The following ASXL3 variants were observed in gnomAD, a reference collection of about 807,000 sequenced individuals.
ASXL3 encodes the protein putative Polycomb group protein ASXL3.
Under a neutral mutation model 170.6 loss-of-function variants are expected in ASXL3, and 34 were observed. The observed-to-expected ratio is 0.20, with a 90% CI of 0.15 to 0.27. ASXL3 has a LOEUF of 0.27. ASXL3 is among the 10% of genes least tolerant of loss of function. The pLI is 1.00. For synonymous variants in ASXL3, 1,002 were observed against 989.1 expected (o/e 1.01, Z -0.24); for missense variants, 2,592 against 2,695.3 (o/e 0.96, Z 0.85).
chr18:33,612,400 T>G (rs1220992512), intron 2 of ASXL3, among the ~76,000 whole-genome samples: 1 of 152,086 alleles, frequency 6.6e-6, no homozygotes, highest in Non-Finnish European at 1.5e-5. Flanking sequence ...AAACAGTATC[T>G]ATTGTGTTTA....
chr18:33,655,572 T>C (rs62092368), intron 4 of ASXL3, among the ~76,000 whole-genome samples: 14,995 of 152,072 alleles, frequency 0.099, 923 homozygotes, highest in African/African-American at 0.16. Context: ...CAAATACCTA[T>C]ACCTATCTTG....
intron 8 of ASXL3, among the ~76,000 whole-genome samples, chr18:33,686,265 A>C (rs1221871878): frequency 6.6e-6 from 1 of 152,212 alleles, no homozygotes; most frequent in South Asian, 2.1e-4. Context: ...ACAAGAATGA[A>C]TCTTGTGGAA....
At chr18:33,724,768 C>G (rs1292179910) in intron 8 of ASXL3, among the ~76,000 whole-genome samples, 1 of 152,016 alleles carries the variant, frequency 6.6e-6, no homozygotes, top group East Asian at 1.9e-4. Flanking sequence ...GATGGATTTA[C>G]CTATTAAAAT....
Position 33,578,340 on chromosome 18 carries a change from TGGCCCG to T in ASXL3, c.-286_-281del, listed in dbSNP as rs1397595372. 2 of 22,502 alleles carry T rather than the reference TGGCCCG, an allele frequency of 8.9e-5. No homozygotes were observed. The highest frequency in any genetic ancestry group is 1.7e-4 in the African/African-American group (1 of 5,840). The allele number at this position is 22,502 out of a possible 1,614,324, so 1.4% of individuals were successfully genotyped here. ...GCCCGGCCGGCGCCGCCCCCGCCCC[TGGCCCG>T]GGCCCCGCTGCTGCCGCCGCCCCCG... On this transcript the variant is annotated 5_prime_UTR_variant, in exon 1 of 12. Coordinates refer to ENST00000269197, the MANE Select transcript of ASXL3 (RefSeq NM_030632.3).
chr18:33,683,334 G>C, intron 7 of ASXL3, 71 bp from the exon 8 acceptor site: 1 of 1,327,846 alleles, frequency 7.5e-7, no homozygotes, highest in Middle Eastern at 1.9e-4. Flanking sequence ...ATGTGGCTGT[G>C]TTTGTGTGTA....
chr18:33,711,742 T>TG (rs1415961104), intron 8 of ASXL3, among the ~76,000 whole-genome samples: 1 of 152,130 alleles, frequency 6.6e-6, no homozygotes, highest in African/African-American at 2.4e-5. Flanking sequence ...GGAGAGGCTA[T>TG]GGGGATCCCT....
At chr18:33,713,190 G>T (rs1235186280) in intron 8 of ASXL3, among the ~76,000 whole-genome samples, 8 of 147,824 alleles carry the variant, frequency 5.4e-5, no homozygotes, top group Admixed American at 4.7e-4. Flanking sequence ...GAATGAGGGG[G>T]AGAATACAGA....
At chr18:33,681,763 C>A (rs533726165) in intron 7 of ASXL3, among the ~76,000 whole-genome samples, 2 of 151,762 alleles carry the variant, frequency 1.3e-5, no homozygotes, top group South Asian at 4.2e-4. Flanking sequence ...TCTCTGCAAT[C>A]TGTGTTTTTT....
chr18:33,586,100 C>A (rs2065032127), intron 1 of ASXL3, among the ~76,000 whole-genome samples: 1 of 152,010 alleles, frequency 6.6e-6, no homozygotes, highest in African/African-American at 2.4e-5. Context: ...TGTATTAGAA[C>A]CTATTTTAAT....
chr18:33,726,836 G>T (rs2067360596), intron 8 of ASXL3, among the ~76,000 whole-genome samples: 1 of 152,086 alleles, frequency 6.6e-6, no homozygotes, highest in South Asian at 2.1e-4. Flanking sequence ...TCTGTATAGT[G>T]GGTGACAAGG....
At chr18:33,617,702 C>G (rs1455629824) in intron 2 of ASXL3, among the ~76,000 whole-genome samples, 1 of 151,996 alleles carries the variant, frequency 6.6e-6, no homozygotes, top group Non-Finnish European at 1.5e-5. Flanking sequence ...TCCATTCTTC[C>G]AAATAATTGA....
intron 2 of ASXL3, among the ~76,000 whole-genome samples, chr18:33,634,014 A>G (rs2065727618): frequency 6.6e-6 from 1 of 152,190 alleles, no homozygotes; most frequent in South Asian, 2.1e-4. Context: ...GAATGTAAAT[A>G]CAAAAAGATC....
At position 33,739,356 on chromosome 18, in the gene ASXL3, C is replaced by G. The variant is rs1416709197; in HGVS notation, c.1952C>G (p.Ser651Cys). The G allele has an allele frequency of 1.2e-6, 2 of 1,613,608 alleles. No homozygotes were observed. The highest frequency in any genetic ancestry group is 2.2e-5 in the South Asian group (2 of 91,040). The part of the protein sequence containing the change: ...TPASLETTFC[S>C]EVSSTENTDK... ...GCCTCCCTTGAGACAACATTTTGTT[C>G]TGAGGTATCTAGCACTGAAAATACA... The change falls in exon 11 of 12, where the codon TCT (serine) becomes TGT (cysteine). Residue 651 changes from serine to cysteine, a missense_variant. Transcript: ENST00000269197.
intron 2 of ASXL3, among the ~76,000 whole-genome samples, chr18:33,619,403 ACT>A (rs1295967187): frequency 6.6e-6 from 1 of 151,176 alleles, no homozygotes; most frequent in Admixed American, 6.6e-5. Flanking sequence ...GTATGTTGAA[ACT>A]CTTTCAGTTT....
chr18:33,673,533 T>G (rs2066379627), intron 7 of ASXL3, among the ~76,000 whole-genome samples: 1 of 151,984 alleles, frequency 6.6e-6, no homozygotes, highest in African/African-American at 2.4e-5. Flanking sequence ...GCCCAGCTAA[T>G]TTTTGTATTT....
chr18:33,693,300 A>T lies in ASXL3; in HGVS notation c.879+9732A>T, dbSNP rs144464817. The stretch of plus-strand genomic sequence containing the variant: ...TAAACATACTTTTGGCTTAAAATTG[A>T]GGCAGTTAATTGGAGAAATTTAAGA... On this transcript the variant is annotated intron_variant, in intron 8 of 11. Coordinates refer to ENST00000269197, the MANE Select transcript of ASXL3 (RefSeq NM_030632.3). Among the ~76,000 whole-genome samples, 201 of 152,294 alleles carry T rather than the reference A, an allele frequency of 1.3e-3. 2 individuals carry two copies. The East Asian group carries it at 0.028, about 21-fold the overall frequency.
intron 1 of ASXL3, 67 bp downstream of exon 1, chr18:33,578,752 CGCG>C: frequency 9.7e-7 from 1 of 1,033,664 alleles, no homozygotes; most frequent in Non-Finnish European, 1.2e-6. Flanking sequence ...CGCGCCGGTC[CGCG>C]GCGGCGGAGA....
rs565082230 is a variant in ASXL3 at position 33,677,635 on chromosome 18, G to A, written c.715+5769G>A. On this transcript the variant is annotated intron_variant, in intron 7 of 11. Transcript: ENST00000269197. ...CAGACCTTCCTACCTGCATGTTTTCGTTACAATACTTTTTGAATATCGAAG... is the reference window on the plus strand; with the variant it reads ...CAGACCTTCCTACCTGCATGTTTTCATTACAATACTTTTTGAATATCGAAG... Among the ~76,000 whole-genome samples the A allele has an allele frequency of 7.3e-4, 111 of 152,158 alleles. No individual in the cohort carries two copies. The South Asian group carries it at 0.019, about 26-fold the overall frequency.
At position 33,661,651 on chromosome 18, in the gene ASXL3, A is replaced by G; in HGVS notation, c.391A>G (p.Thr131Ala). The G allele has an allele frequency of 6.2e-7, 1 of 1,612,174 alleles. No homozygotes were observed. Among genetic ancestry groups the G allele is most frequent in the Non-Finnish European group, 8.5e-7 (1 of 1,179,008 alleles). ...GCAGGTAACTGATGAAGCATCTTCCACTCGAGATTCAAGCCTTACTAACAC... is the reference window on the plus strand; with the variant it reads ...GCAGGTAACTGATGAAGCATCTTCCGCTCGAGATTCAAGCCTTACTAACAC... ...SKQVTDEASS[T>A]RDSSLTNTAV... Residue 131 changes from threonine to alanine, a missense_variant, in exon 5 of 12, where the codon ACT (threonine) becomes GCT (alanine). Physicochemically the swap from Thr to Ala is moderately conservative, Grantham distance 58 (BLOSUM62 0). Coordinates refer to ENST00000269197, the MANE Select transcript of ASXL3 (RefSeq NM_030632.3).
Sources: gnomAD v4.1 joint callset for allele counts (sites outside exome capture counted in the v4.1 genomes callset) on GRCh38, gnomAD v4.1.1 for gene constraint, MANE v1.5 for transcripts, NCBI Gene and HGNC (gene_info 2026-07-23, HGNC 2026-07-21) for gene names.